DYM: variants seen among roughly 807,000 people sequenced by gnomAD.
DYM encodes the protein dyggve-Melchior-Clausen syndrome protein.
Under a neutral mutation model 93.1 loss-of-function variants are expected in DYM, and 78 were observed. That is an observed-to-expected ratio of 0.84 (90% CI 0.70 to 1.01). The LOEUF is 1.01. DYM is among the 50% of genes least tolerant of loss of function. The pLI is 0.00. For missense variants in DYM, 789 were observed against 845.0 expected (o/e 0.93, Z 0.82); for synonymous variants, 321 against 319.7 (o/e 1.00, Z -0.04).
At chr18:49,089,678 G>A (rs931101787) in intron 17 of DYM, among the ~76,000 whole-genome samples, 1 of 152,196 alleles carries the variant, frequency 6.6e-6, no homozygotes, top group South Asian at 2.1e-4. Context: ...AGTCTACTAG[G>A]TTAGAATCTC....
intron 15 of DYM, among the ~76,000 whole-genome samples, chr18:49,140,639 TG>T (rs2084381043): frequency 6.6e-6 from 1 of 152,238 alleles, no homozygotes; most frequent in Non-Finnish European, 1.5e-5. Context: ...ATATAAAACT[TG>T]TATTTTAAAC....
At chr18:49,416,332 G>C (rs2072986089) in intron 2 of DYM, among the ~76,000 whole-genome samples, 2 of 152,180 alleles carry the variant, frequency 1.3e-5, no homozygotes, top group Non-Finnish European at 2.9e-5. Flanking sequence ...GTCAGTTGTG[G>C]AGCTCAGGCA....
At chr18:49,220,602 A>T (rs1408734489) in intron 13 of DYM, among the ~76,000 whole-genome samples, 1 of 152,012 alleles carries the variant, frequency 6.6e-6, no homozygotes, top group South Asian at 2.1e-4. Flanking sequence ...ATAATGCCGC[A>T]TATCTACAAC....
intron 13 of DYM, among the ~76,000 whole-genome samples, chr18:49,224,151 G>A (rs899088915): frequency 6.6e-6 from 1 of 152,086 alleles, no homozygotes; most frequent in Non-Finnish European, 1.5e-5. Flanking sequence ...AGGTGACAGG[G>A]AGTGTCAAAA....
chr18:49,125,017 T>C (rs939403911), intron 15 of DYM, among the ~76,000 whole-genome samples: 4 of 152,156 alleles, frequency 2.6e-5, no homozygotes, highest in Non-Finnish European at 1.5e-5. Flanking sequence ...CCCAGCACTT[T>C]GGGAGGCTGA....
At chr18:49,187,309 C>T (rs1223815032) in intron 14 of DYM, among the ~76,000 whole-genome samples, 1 of 152,048 alleles carries the variant, frequency 6.6e-6, no homozygotes, top group African/African-American at 2.4e-5. Flanking sequence ...GCTCCTAACA[C>T]CTACAACTTG....
At chr18:49,156,501 G>A (rs1315030391) in intron 15 of DYM, among the ~76,000 whole-genome samples, 1 of 152,078 alleles carries the variant, frequency 6.6e-6, no homozygotes, top group Non-Finnish European at 1.5e-5. Flanking sequence ...GGGGTTTGAG[G>A]TGGGTGGATC....
At chr18:49,177,859 C>A (rs73441572) in intron 14 of DYM, among the ~76,000 whole-genome samples, 6,045 of 151,974 alleles carry the variant, frequency 0.04, 391 homozygotes, top group African/African-American at 0.14. Context: ...GTTAATGATC[C>A]CTCATTTTCC....
intron 3 of DYM, among the ~76,000 whole-genome samples, chr18:49,380,363 T>C (rs186184537): frequency 1.8e-4 from 27 of 152,332 alleles, no homozygotes; most frequent in Non-Finnish European, 3.2e-4. Context: ...AACTGAATAC[T>C]GAATCTCAGA....
chr18:49,120,827 T>G (rs2082315938), intron 15 of DYM, among the ~76,000 whole-genome samples: 1 of 152,188 alleles, frequency 6.6e-6, no homozygotes, highest in Non-Finnish European at 1.5e-5. Context: ...TCTTAATTTT[T>G]TTTTGACTCA....
At chr18:49,228,438 C>T (rs942635057) in intron 13 of DYM, among the ~76,000 whole-genome samples, 3 of 152,030 alleles carry the variant, frequency 2.0e-5, no homozygotes, top group Admixed American at 6.6e-5. Context: ...CTTAAGAAAA[C>T]CCCACAATTT....
chr18:49,399,280 G>C (rs1179488755), intron 2 of DYM, among the ~76,000 whole-genome samples: 1 of 152,164 alleles, frequency 6.6e-6, no homozygotes, highest in Non-Finnish European at 1.5e-5. Flanking sequence ...TTCCTGAAGG[G>C]CCAAGAGACA....
At chr18:49,108,566 C>T (rs1250397737) in intron 16 of DYM, among the ~76,000 whole-genome samples, 1 of 152,160 alleles carries the variant, frequency 6.6e-6, no homozygotes, top group East Asian at 1.9e-4. Flanking sequence ...GATTTCTATT[C>T]AATAGTTTAA....
At chr18:49,304,745 T>C (rs1336923837) in intron 8 of DYM, among the ~76,000 whole-genome samples, 7 of 152,208 alleles carry the variant, frequency 4.6e-5, no homozygotes, top group Non-Finnish European at 1.5e-5. Context: ...GACATCACCA[T>C]CACTCCTGCT....
At chr18:49,178,986 G>C (rs903540146) in intron 14 of DYM, among the ~76,000 whole-genome samples, 1 of 151,648 alleles carries the variant, frequency 6.6e-6, no homozygotes. Flanking sequence ...AAAAGCTACA[G>C]TTAATTCCCA....
intron 8 of DYM, among the ~76,000 whole-genome samples, chr18:49,312,682 C>T (rs113112653): frequency 2.6e-5 from 4 of 152,098 alleles, no homozygotes; most frequent in East Asian, 1.9e-4. Flanking sequence ...ACTTGGGAAC[C>T]GCTGAACATG....
At chr18:49,398,270 GCTGT>G (rs1473558307) in intron 2 of DYM, among the ~76,000 whole-genome samples, 2 of 152,028 alleles carry the variant, frequency 1.3e-5, no homozygotes, top group African/African-American at 4.8e-5. Flanking sequence ...ATGTCTCTCT[GCTGT>G]CTGTCTCTCT....
intron 4 of DYM, among the ~76,000 whole-genome samples, chr18:49,379,317 A>C (rs939650829): frequency 6.6e-6 from 1 of 152,178 alleles, no homozygotes; most frequent in African/African-American, 2.4e-5. Flanking sequence ...CAACAGATGT[A>C]GAATGAAATA....
chr18:49,422,339 G>A (rs36126487), intron 2 of DYM, among the ~76,000 whole-genome samples: 47,244 of 152,084 alleles, frequency 0.31, 8,514 homozygotes, highest in Middle Eastern at 0.46. Context: ...GAAGAGAGTG[G>A]GGGACAATAG....
Sources: gnomAD v4.1 joint callset for allele counts (sites outside exome capture counted in the v4.1 genomes callset) on GRCh38, gnomAD v4.1.1 for gene constraint, MANE v1.5 for transcripts, NCBI Gene and HGNC (gene_info 2026-07-23, HGNC 2026-07-21) for gene names.